Variants in DNAJC8 observed in about 807,000 individuals in gnomAD.
The protein encoded by DNAJC8 is DnaJ heat shock protein family (Hsp40) member C8, also known as dnaJ homolog subfamily C member 8.
A neutral mutation model predicts 43.2 loss-of-function variants in DNAJC8; 24 were observed. That is an observed-to-expected ratio of 0.56 (90% CI 0.40 to 0.78). The LOEUF (loss-of-function observed/expected upper bound fraction) is 0.78. DNAJC8 is among the 30% of genes least tolerant of loss of function. The pLI is 0.00. For synonymous variants in DNAJC8, 83 were observed against 98.0 expected (o/e 0.85, Z 0.90); for missense variants, 207 against 299.4 (o/e 0.69, Z 2.28).
At chr1:28,229,158 C>T (rs1646957424) in intron 1 of DNAJC8, 135 bp from the exon 2 acceptor site, 2 of 725,770 alleles carry the variant, frequency 2.8e-6, no homozygotes, top group Non-Finnish European at 2.2e-6. Flanking sequence ...TTGCTAAATG[C>T]TTTGAGAAAT....
intron 6 of DNAJC8, among the ~76,000 whole-genome samples, chr1:28,205,819 C>T (rs1279613197): frequency 1.3e-5 from 2 of 152,046 alleles, no homozygotes; most frequent in African/African-American, 4.8e-5. Context: ...ACCCAGGAGA[C>T]AGAGGTTGCA....
intron 3 of DNAJC8, 26 bp downstream of exon 3, chr1:28,214,914 G>T (rs1409549202): frequency 1.3e-6 from 2 of 1,570,132 alleles, no homozygotes; most frequent in East Asian, 2.3e-5. Flanking sequence ...TTTTCAAAAA[G>T]TTCAAACAGG....
chr1:28,200,500 A>G lies in DNAJC8; in HGVS notation c.*748T>C, dbSNP rs1049504. ...CCAACCCCAAAGCATTTTGGGGTTC[A>G]GCCAAGCCAGACAAGGGACCCACAA... On this transcript the variant is annotated 3_prime_UTR_variant, in exon 9 of 9. Transcript: ENST00000263697. The G allele has an allele frequency of 0.36, 163,765 of 456,154 alleles. 32,471 individuals are homozygous for G. Among genetic ancestry groups the G allele is most frequent in the African/African-American group, 0.62 (30,975 of 50,036 alleles). 28.3% of individuals were successfully genotyped at this position (456,154 alleles called of 1,614,324 possible). A position where few individuals can be genotyped will look rare whatever the true frequency, so the allele number is the denominator to read the frequency against.
intron 2 of DNAJC8, among the ~76,000 whole-genome samples, chr1:28,221,270 C>T (rs552499258): frequency 6.6e-6 from 1 of 152,026 alleles, no homozygotes; most frequent in African/African-American, 2.4e-5. Context: ...ACCCGGGAGG[C>T]GGAGGTTGCA....
At chr1:28,204,879 C>T (rs1646758654) in intron 7 of DNAJC8, among the ~76,000 whole-genome samples, 1 of 152,062 alleles carries the variant, frequency 6.6e-6, no homozygotes, top group African/African-American at 2.4e-5. Flanking sequence ...AAAAATTAGC[C>T]GGGCATGGTG....
intron 8 of DNAJC8, among the ~76,000 whole-genome samples, chr1:28,201,919 C>T (rs1646736389): frequency 6.6e-6 from 1 of 150,420 alleles, no homozygotes; most frequent in Non-Finnish European, 1.5e-5. Context: ...GAAACCCCAT[C>T]TCTACTAAAA....
In DNAJC8 at chr1:28,201,519, T is replaced by C. The variant is rs552076976; in HGVS notation, c.640-149A>G. On this transcript the variant is annotated intron_variant, in intron 8 of 8. Coordinates refer to ENST00000263697, the MANE Select transcript of DNAJC8 (RefSeq NM_014280.3). ...GTAGAATAGAGCTGGCCAGGCACAGTGGCTCATACCTATAATCCCAGCACT... is the reference window on the plus strand; with the variant it reads ...GTAGAATAGAGCTGGCCAGGCACAGCGGCTCATACCTATAATCCCAGCACT... 2.9e-4 allele frequency: 369 copies of C among 1,266,948 alleles called. 1 individual carries two copies. The African/African-American group carries it at 4.9e-3, about 17-fold the overall frequency. 78.5% of individuals were successfully genotyped at this position (1,266,948 alleles called of 1,614,324 possible). A position where few individuals can be genotyped will look rare whatever the true frequency, so the allele number is the denominator to read the frequency against.
At chr1:28,216,468 C>G (rs1646855411) in intron 2 of DNAJC8, among the ~76,000 whole-genome samples, 1 of 152,024 alleles carries the variant, frequency 6.6e-6, no homozygotes, top group African/African-American at 2.4e-5. Flanking sequence ...AACTGTCCCA[C>G]CCTCACAAAA....
intron 6 of DNAJC8, among the ~76,000 whole-genome samples, chr1:28,207,523 A>G (rs1646778034): frequency 6.6e-6 from 1 of 151,300 alleles, no homozygotes; most frequent in Admixed American, 6.6e-5. Context: ...GGCTCACTGC[A>G]ATCTCTGCCT....
At chr1:28,209,828 G>T in intron 5 of DNAJC8, 144 bp downstream of exon 5, 1 of 666,696 alleles carries the variant, frequency 1.5e-6, no homozygotes, top group East Asian at 2.8e-5. Flanking sequence ...CACTATTCAT[G>T]ACCACCACAG....
chr1:28,212,168 A>AATAAAAAAAAAAATAT (rs35950985), intron 3 of DNAJC8, among the ~76,000 whole-genome samples: 1 of 31,022 alleles, frequency 3.2e-5, no homozygotes, highest in Non-Finnish European at 7.0e-5. Flanking sequence ...TAAATAAATA[A>AATAAAAAAAAAAATAT]ATATATATAT....
chr1:28,231,653 T>C (rs1194590012), intron 1 of DNAJC8, among the ~76,000 whole-genome samples: 1 of 151,662 alleles, frequency 6.6e-6, no homozygotes, highest in African/African-American at 2.4e-5. Flanking sequence ...AGGCAGAGGT[T>C]GCAGTGGGCC....
chr1:28,225,047 C>T (rs1271217116), intron 2 of DNAJC8, among the ~76,000 whole-genome samples: 1 of 151,130 alleles, frequency 6.6e-6, no homozygotes, highest in Non-Finnish European at 1.5e-5. Flanking sequence ...CTGAAAAACA[C>T]CTTTTTGGGA....
At chr1:28,221,474 G>A (rs1382950346) in intron 2 of DNAJC8, among the ~76,000 whole-genome samples, 2 of 152,144 alleles carry the variant, frequency 1.3e-5, no homozygotes, top group African/African-American at 2.4e-5. Context: ...TTCCTATAGT[G>A]AGAACAAAGG....
chr1:28,229,046 CTTCA>C, intron 1 of DNAJC8, 23 bp from the exon 2 acceptor site: 2 of 1,583,200 alleles, frequency 1.3e-6, no homozygotes, highest in Non-Finnish European at 1.7e-6. Context: ...GGATTAAAAA[CTTCA>C]TTAATAGAAT....
chr1:28,208,963 T>C (rs1237515467), intron 5 of DNAJC8, among the ~76,000 whole-genome samples: 3 of 152,128 alleles, frequency 2.0e-5, no homozygotes, highest in African/African-American at 4.8e-5. Flanking sequence ...TACGAATTCA[T>C]ACAAGAATGA....
chr1:28,222,891 A>G (rs961175702), intron 2 of DNAJC8, among the ~76,000 whole-genome samples: 1 of 152,168 alleles, frequency 6.6e-6, no homozygotes, highest in African/African-American at 2.4e-5. Context: ...AGCAGGGGGA[A>G]AATGTCAGCA....
chr1:28,220,829 T>C (rs552607741), intron 2 of DNAJC8, among the ~76,000 whole-genome samples: 211 of 152,286 alleles, frequency 1.4e-3, no homozygotes, highest in Middle Eastern at 6.8e-3. Flanking sequence ...ATTACCAACA[T>C]GGCTCCAAGC....
rs377285666 is a variant in DNAJC8 at position 28,210,597 on chromosome 1, G to A, written c.278C>T (p.Ala93Val). 176 of 1,613,666 alleles carry A rather than the reference G, an allele frequency of 1.1e-4. No individual in the cohort carries two copies. The highest frequency in any genetic ancestry group is 1.6e-4 in the Middle Eastern group (1 of 6,082). Residue 93 changes from alanine to valine, a missense_variant, in exon 4 of 9, where the codon GCT becomes GTT. Around this residue, in one of 2 missense-constraint regions of DNAJC8, gnomAD observed 159 missense variants for 267.5 expected, o/e 0.59. Coordinates refer to ENST00000263697, the MANE Select transcript of DNAJC8 (RefSeq NM_014280.3). ...LVHPDKNQDDADRAQKAFEAV... is the reference protein window; with the variant it reads ...LVHPDKNQDDVDRAQKAFEAV... ...TTCAAAAGCCTTTTGTGCTCTGTCAGCATCATCTTGATTTTTGTCAGGATG... is the reference window on the plus strand; with the variant it reads ...TTCAAAAGCCTTTTGTGCTCTGTCAACATCATCTTGATTTTTGTCAGGATG...
Sources: allele counts gnomAD v4.1 joint callset (sites outside exome capture counted in the v4.1 genomes callset), GRCh38; gene constraint gnomAD v4.1.1; regional missense constraint gnomAD v4.1.1; transcripts MANE v1.5; gene names NCBI Gene and HGNC (gene_info 2026-07-23, HGNC 2026-07-21).